WFDC10A: variants seen among roughly 807,000 people sequenced by gnomAD.
The protein encoded by WFDC10A is WAP four-disulfide core domain 10A, also known as WAP four-disulfide core domain protein 10A.
Under a neutral mutation model 2.6 loss-of-function variants are expected in WFDC10A, and 2 were observed. That is an observed-to-expected ratio of 0.76 (90% CI 0.31 to 2.40). WFDC10A has a LOEUF of 2.40. WFDC10A is among the 30% of genes most tolerant of loss of function. WFDC10A has a pLI of 0.12. For synonymous variants in WFDC10A, 36 were observed against 36.3 expected, an observed-to-expected ratio of 0.99 and a Z score of 0.03; for missense variants, 84 against 91.8, an observed-to-expected ratio of 0.92 and a Z score of 0.35.
chr20:45,631,097 A>T lies in WFDC10A; in HGVS notation c.*79A>T. ...CTGTGCCCACATCCGAAGCACAAGG[A>T]CCTCAAGTCACCAGCATAAGAACAT... On this transcript the variant is annotated 3_prime_UTR_variant, in exon 2 of 2. Transcript: ENST00000372643. 3 of 1,437,950 alleles carry T rather than the reference A, an allele frequency of 2.1e-6. No homozygotes were observed. The South Asian group carries it at 4.7e-5, about 23-fold the overall frequency. 89.1% of individuals were successfully genotyped at this position (1,437,950 alleles called of 1,614,324 possible).
In WFDC10A at chr20:45,631,195, G is replaced by T; in HGVS notation, c.*177G>T. The T allele has an allele frequency of 1.7e-6, 1 of 604,232 alleles. No homozygotes were observed. Among genetic ancestry groups the T allele is most frequent in the Non-Finnish European group, 2.5e-6 (1 of 401,336 alleles). 37.4% of individuals were successfully genotyped at this position (604,232 alleles called of 1,614,324 possible). A position where few individuals can be genotyped will look rare whatever the true frequency, so the allele number is the denominator to read the frequency against. On this transcript the variant is annotated 3_prime_UTR_variant, in exon 2 of 2. Transcript: ENST00000372643. Reference sequence around the variant, plus strand: ...AAATAAACCAGAACAAATGCCCAGGGATCCTACCTCTTTTGCTGCCACTAC... The same window carrying T: ...AAATAAACCAGAACAAATGCCCAGGTATCCTACCTCTTTTGCTGCCACTAC...
chr20:45,631,105 T>A lies in WFDC10A; in HGVS notation c.*87T>A, dbSNP rs192722129. 5.4e-4 allele frequency: 767 copies of A among 1,432,584 alleles called. 1 individual carries two copies. Among genetic ancestry groups the A allele is most frequent in the Admixed American group, 3.7e-3 (147 of 40,144 alleles). 88.7% of individuals were successfully genotyped at this position (1,432,584 alleles called of 1,614,324 possible). A position where few individuals can be genotyped will look rare whatever the true frequency, so the allele number is the denominator to read the frequency against. On this transcript the variant is annotated 3_prime_UTR_variant, in exon 2 of 2. Transcript: ENST00000372643. ...ACATCCGAAGCACAAGGACCTCAAG[T>A]CACCAGCATAAGAACATCAACAGGA...
Position 45,631,072 on chromosome 20 carries a change from C to A in WFDC10A, c.*54C>A. 1 of 1,498,664 alleles carries A rather than the reference C, an allele frequency of 6.7e-7. No individual in the cohort carries two copies. The highest frequency in any genetic ancestry group is 8.9e-7 in the Non-Finnish European group (1 of 1,124,474). The allele number at this position is 1,498,664 out of a possible 1,614,324, so 92.8% of individuals were successfully genotyped here. On this transcript the variant is annotated 3_prime_UTR_variant, in exon 2 of 2. Coordinates refer to ENST00000372643, the MANE Select transcript of WFDC10A (RefSeq NM_080753.3). ...TGCTTCCCAACTCCTCTATCCAAGACTGTGCCCACATCCGAAGCACAAGGA... is the reference window on the plus strand; with the variant it reads ...TGCTTCCCAACTCCTCTATCCAAGAATGTGCCCACATCCGAAGCACAAGGA...
chr20:45,630,860 T>C lies in WFDC10A; in HGVS notation c.92-10T>C. 6.3e-7 allele frequency: 1 copy of C among 1,590,996 alleles called. No individual in the cohort carries two copies. Among genetic ancestry groups the C allele is most frequent in the Non-Finnish European group, 8.5e-7 (1 of 1,170,506 alleles). ...ACTGCGTTTATTTACCGTTCTATTC[T>C]CCTTGTCAGAAACACAGCTATCCCC... On this transcript the variant is annotated splice_polypyrimidine_tract_variant and intron_variant, in intron 1 of 1. Coordinates refer to ENST00000372643, the MANE Select transcript of WFDC10A (RefSeq NM_080753.3).
Position 45,631,036 on chromosome 20 carries a change from G to T in WFDC10A, c.*18G>T. The T allele has an allele frequency of 6.4e-7, 1 of 1,572,950 alleles. No individual in the cohort carries two copies. The highest frequency in any genetic ancestry group is 8.6e-7 in the Non-Finnish European group (1 of 1,160,498). The stretch of plus-strand genomic sequence containing the variant: ...TCCTGTGAGTGGGAGAGTGGGCTGG[G>T]ATGTGCATCCTGCTTCCCAACTCCT... On this transcript the variant is annotated 3_prime_UTR_variant, in exon 2 of 2. Transcript: ENST00000372643.
rs1368002984 is a variant in WFDC10A at position 45,631,015 on chromosome 20, G to A, written c.237G>A (p.Leu79=). 1 of 1,597,090 alleles carries A rather than the reference G, an allele frequency of 6.3e-7. No homozygotes were observed. Among genetic ancestry groups the A allele is most frequent in the South Asian group, 1.1e-5 (1 of 88,112 alleles). The change falls in exon 2 of 2, where the codon CTG becomes CTA. Residue 79 remains leucine, a synonymous_variant. Transcript: ENST00000372643. ...TYCGNVCMSI[L] ...GTGGGAATGTTTGCATGAGCATCCTGTGAGTGGGAGAGTGGGCTGGGATGT... is the reference window on the plus strand; with the variant it reads ...GTGGGAATGTTTGCATGAGCATCCTATGAGTGGGAGAGTGGGCTGGGATGT...
Position 45,629,903 on chromosome 20 carries a change from G to A in WFDC10A, c.90G>A (p.Gln30=), listed in dbSNP as rs746256843. 8 of 1,613,616 alleles carry A rather than the reference G, an allele frequency of 5.0e-6. No individual in the cohort carries two copies. The South Asian group carries it at 7.7e-5, about 16-fold the overall frequency. ...QGGYRDKKRM[Q]KTQLSPEIKV... The stretch of plus-strand genomic sequence containing the variant: ...GATACCGTGACAAGAAGAGGATGCA[G>A]AGTAGGTGATGGGCTGCTGGATGGG... Residue 30 remains glutamine, a splice_region_variant and synonymous_variant, in exon 1 of 2, where the codon CAG becomes CAA. Transcript: ENST00000372643.
At position 45,631,098 on chromosome 20, in the gene WFDC10A, C is replaced by T; in HGVS notation, c.*80C>T. 7.0e-7 allele frequency: 1 copy of T among 1,438,634 alleles called. No homozygotes were observed. Among genetic ancestry groups the T allele is most frequent in the Non-Finnish European group, 9.2e-7 (1 of 1,084,622 alleles). The allele number at this position is 1,438,634 out of a possible 1,614,324, so 89.1% of individuals were successfully genotyped here. A position where few individuals can be genotyped will look rare whatever the true frequency, so the allele number is the denominator to read the frequency against. ...TGTGCCCACATCCGAAGCACAAGGA[C>T]CTCAAGTCACCAGCATAAGAACATC... is the stretch of plus-strand genomic sequence containing the variant. On this transcript the variant is annotated 3_prime_UTR_variant, in exon 2 of 2. Coordinates refer to ENST00000372643, the MANE Select transcript of WFDC10A (RefSeq NM_080753.3).
rs1314989558 is a variant in WFDC10A, at chr20:45,630,950, C to T, written c.172C>T (p.Arg58Ter). 5.6e-6 allele frequency: 9 copies of T among 1,612,178 alleles called. No homozygotes were observed. The highest frequency in any genetic ancestry group is 1.6e-4 in the Middle Eastern group (1 of 6,080). The change falls in exon 2 of 2, where the codon CGA (arginine) becomes TGA (stop). Residue 58 changes from arginine to a stop codon, truncating the protein, a stop_gained. Transcript: ENST00000372643. LOFTEE classifies it low-confidence loss of function (END_TRUNC). ...YLCKHLCESH[R>*]DCQANNICCS... ...ATGCAAACACTTATGTGAATCTCAC[C>T]GAGATTGTCAAGCAAATAACATATG... is the stretch of plus-strand genomic sequence containing the variant.
At position 45,629,792 on chromosome 20, in the gene WFDC10A, G is replaced by C; in HGVS notation, c.-22G>C. ...TCTGTGACAACCTGGCCAGACATAGGGCTCACGATCTGATCAGAGTCATGG... is the reference window on the plus strand; with the variant it reads ...TCTGTGACAACCTGGCCAGACATAGCGCTCACGATCTGATCAGAGTCATGG... On this transcript the variant is annotated 5_prime_UTR_variant, in exon 1 of 2. Coordinates refer to ENST00000372643, the MANE Select transcript of WFDC10A (RefSeq NM_080753.3). The C allele has an allele frequency of 6.2e-7, 1 of 1,610,910 alleles. No individual in the cohort carries two copies. Among genetic ancestry groups the C allele is most frequent in the Admixed American group, 1.7e-5 (1 of 59,602 alleles).
At position 45,631,126 on chromosome 20, in the gene WFDC10A, C is replaced by T; in HGVS notation, c.*108C>T. ...CAAGTCACCAGCATAAGAACATCAA[C>T]AGGAATGCCGCCCTCTCTACTGTCT... On this transcript the variant is annotated 3_prime_UTR_variant, in exon 2 of 2. Coordinates refer to ENST00000372643, the MANE Select transcript of WFDC10A (RefSeq NM_080753.3). 7.7e-7 allele frequency: 1 copy of T among 1,303,500 alleles called. No individual in the cohort carries two copies. Among genetic ancestry groups the T allele is most frequent in the Non-Finnish European group, 1.0e-6 (1 of 975,938 alleles). The allele number at this position is 1,303,500 out of a possible 1,614,324, so 80.7% of individuals were successfully genotyped here. A position where few individuals can be genotyped will look rare whatever the true frequency, so the allele number is the denominator to read the frequency against.
intron 1 of WFDC10A, 65 bp downstream of exon 1, chr20:45,629,969 A>G: frequency 6.3e-7 from 1 of 1,583,864 alleles, no homozygotes; most frequent in Non-Finnish European, 8.6e-7. Flanking sequence ...GCCTGTGTCC[A>G]GTCTGAGTAG....
chr20:45,630,757 T>C (rs1982343216), intron 1 of WFDC10A, 113 bp from the exon 2 acceptor site: 3 of 1,190,672 alleles, frequency 2.5e-6, no homozygotes, highest in Non-Finnish European at 3.4e-6. Context: ...GAAGAAGGAA[T>C]CCAGGAGTAT....
chr20:45,629,972 C>T, intron 1 of WFDC10A, 68 bp downstream of exon 1: 1 of 1,576,762 alleles, frequency 6.3e-7, no homozygotes, highest in South Asian at 1.2e-5. Context: ...TGTGTCCAGT[C>T]TGAGTAGGAC....
At chr20:45,630,022 C>A in intron 1 of WFDC10A, 118 bp downstream of exon 1, 1 of 1,401,842 alleles carries the variant, frequency 7.1e-7, no homozygotes, top group Non-Finnish European at 9.7e-7. Context: ...GCTCTGACCA[C>A]AATGTTGTGT....
In WFDC10A at chr20:45,630,893, A is replaced by G. The variant is rs1164239861; in HGVS notation, c.115A>G (p.Lys39Glu). The G allele has an allele frequency of 6.2e-7, 1 of 1,605,242 alleles. No individual in the cohort carries two copies. Among genetic ancestry groups the G allele is most frequent in the African/African-American group, 1.3e-5 (1 of 74,282 alleles). ...MQKTQLSPEI[K>E]VCQQQPKLYL... ...AGAAACACAGCTATCCCCAGAAATC[A>G]AAGTCTGCCAGCAGCAGCCTAAACT... is the stretch of plus-strand genomic sequence containing the variant. The change falls in exon 2 of 2, where the codon AAA becomes GAA. Residue 39 changes from lysine (K) to glutamate (E), a missense_variant. Lys to Glu is a moderately conservative substitution (Grantham distance 56, BLOSUM62 1). Coordinates refer to ENST00000372643, the MANE Select transcript of WFDC10A (RefSeq NM_080753.3).
chr20:45,630,447 G>A (rs1300287996), intron 1 of WFDC10A, among the ~76,000 whole-genome samples: 6 of 152,116 alleles, frequency 3.9e-5, no homozygotes, highest in African/African-American at 1.4e-4. Flanking sequence ...GCAGAAGAGA[G>A]GGAGAGACAA....
At chr20:45,630,649 G>C (rs1286264433) in intron 1 of WFDC10A, among the ~76,000 whole-genome samples, 2 of 152,060 alleles carry the variant, frequency 1.3e-5, no homozygotes, top group Non-Finnish European at 2.9e-5. Context: ...GGAAGCCCAG[G>C]CATTGTGGTC....
intron 1 of WFDC10A, 33 bp from the exon 2 acceptor site, chr20:45,630,837 T>C: frequency 6.4e-7 from 1 of 1,551,058 alleles, no homozygotes; most frequent in Non-Finnish European, 8.7e-7. Context: ...TCTAGGAAAC[T>C]GCGTTTATTT....
Sources: allele counts gnomAD v4.1 joint callset (sites outside exome capture counted in the v4.1 genomes callset), GRCh38; gene constraint gnomAD v4.1.1; transcripts MANE v1.5; gene names NCBI Gene and HGNC (gene_info 2026-07-23, HGNC 2026-07-21).